The following TAFA1 variants were observed in gnomAD, a reference collection of about 807,000 sequenced individuals.
TAFA1 encodes chemokine-like protein TAFA-1.
In TAFA1, 4 loss-of-function variants were observed where a neutral mutation model predicts 18.5. That is an observed-to-expected ratio of 0.22 (90% confidence interval 0.11 to 0.49). TAFA1 has a LOEUF of 0.49. Among genes scored for constraint, TAFA1 ranks in the 20% least tolerant of loss-of-function variants. The pLI, the probability that TAFA1 is intolerant of heterozygous loss-of-function variation, is 0.98. For synonymous variants in TAFA1, 56 were observed against 55.2 expected, an observed-to-expected ratio of 1.01 and a Z score of -0.06; for missense variants, 147 against 169.0, an observed-to-expected ratio of 0.87 and a Z score of 0.72.
intron 4 of TAFA1, among the ~76,000 whole-genome samples, chr3:68,542,114 T>C (rs1167402056): frequency 1.3e-5 from 2 of 152,128 alleles, no homozygotes; most frequent in Non-Finnish European, 2.9e-5. Context: ...AGCCTTTTCT[T>C]TCAGGAGATT....
intron 2 of TAFA1, among the ~76,000 whole-genome samples, chr3:68,278,872 C>A (rs1287459208): frequency 6.6e-6 from 1 of 152,256 alleles, no homozygotes; most frequent in East Asian, 1.9e-4. Context: ...TTCTGCCTAT[C>A]CACACACCAT....
intron 2 of TAFA1, among the ~76,000 whole-genome samples, chr3:68,131,813 G>T (rs1209416677): frequency 1.3e-5 from 2 of 152,080 alleles, no homozygotes; most frequent in South Asian, 2.1e-4. Flanking sequence ...GGGGTATATT[G>T]CTTAGTTTCT....
At chr3:68,507,767 G>A (rs2072783897) in intron 3 of TAFA1, among the ~76,000 whole-genome samples, 1 of 152,050 alleles carries the variant, frequency 6.6e-6, no homozygotes, top group Admixed American at 6.6e-5. Context: ...ATGCAAAATG[G>A]CAATGAAGAT....
chr3:68,294,823 G>A (rs13079474), intron 2 of TAFA1, among the ~76,000 whole-genome samples: 60,336 of 152,022 alleles, frequency 0.4, 12,457 homozygotes, highest in African/African-American at 0.43. Flanking sequence ...GCTGCAGTGA[G>A]CCATGATCGT....
At chr3:68,013,187 C>A (rs777315516) in intron 2 of TAFA1, among the ~76,000 whole-genome samples, 2 of 151,954 alleles carry the variant, frequency 1.3e-5, no homozygotes, top group African/African-American at 4.8e-5. Flanking sequence ...ACTAAGGAAA[C>A]GAGGAATGAA....
intron 2 of TAFA1, among the ~76,000 whole-genome samples, chr3:68,137,699 G>A (rs1375118449): frequency 1.3e-5 from 2 of 152,108 alleles, no homozygotes; most frequent in African/African-American, 4.8e-5. Context: ...TGGTTGTGTT[G>A]GTCAGCTGTG....
chr3:68,474,145 T>A (rs1327286506), intron 3 of TAFA1, among the ~76,000 whole-genome samples: 1 of 151,802 alleles, frequency 6.6e-6, no homozygotes. Flanking sequence ...AGAACTGTTG[T>A]CTAACATCAT....
At chr3:68,121,135 A>T (rs566085502) in intron 2 of TAFA1, among the ~76,000 whole-genome samples, 36 of 152,038 alleles carry the variant, frequency 2.4e-4, no homozygotes, top group African/African-American at 8.4e-4. Context: ...AGTATATTTT[A>T]TTTCTCTTTG....
chr3:68,289,260 C>T (rs2068069437), intron 2 of TAFA1, among the ~76,000 whole-genome samples: 1 of 152,178 alleles, frequency 6.6e-6, no homozygotes, highest in Admixed American at 6.5e-5. Context: ...ATATAGGTTG[C>T]ACTTTCACTC....
intron 2 of TAFA1, among the ~76,000 whole-genome samples, chr3:68,413,548 T>C (rs1194862640): frequency 6.6e-6 from 1 of 152,202 alleles, no homozygotes; most frequent in African/African-American, 2.4e-5. Context: ...TCTATCTCCA[T>C]CTTTCAACTA....
Position 68,035,727 on chromosome 3 carries a change from G to A in TAFA1, c.118+28983G>A, listed in dbSNP as rs77719788. 4.0e-3 allele frequency among the ~76,000 whole-genome samples: 603 copies of A among 152,302 alleles called. 4 individuals carry two copies. Among genetic ancestry groups the A allele is most frequent in the African/African-American group, 0.014 (578 of 41,566 alleles). Reference sequence around the variant, plus strand: ...ACTTATGTTCACACAAAAAACATGTGTGAATATTGATAGAAGCGCTATTCA... The same window carrying A: ...ACTTATGTTCACACAAAAAACATGTATGAATATTGATAGAAGCGCTATTCA... On this transcript the variant is annotated intron_variant, in intron 2 of 4. Transcript: ENST00000478136.
At chr3:68,284,601 G>A (rs1263251326) in intron 2 of TAFA1, among the ~76,000 whole-genome samples, 6 of 152,130 alleles carry the variant, frequency 3.9e-5, no homozygotes, top group Non-Finnish European at 1.5e-5. Context: ...AATGAACTGT[G>A]CTATGTTCAT....
At chr3:68,530,005 A>G (rs539931626) in intron 3 of TAFA1, among the ~76,000 whole-genome samples, 1 of 152,164 alleles carries the variant, frequency 6.6e-6, no homozygotes, top group South Asian at 2.1e-4. Flanking sequence ...TTGCTCATTT[A>G]TACTTCTTTC....
chr3:68,117,233 G>T (rs1303518026), intron 2 of TAFA1, among the ~76,000 whole-genome samples: 1 of 152,046 alleles, frequency 6.6e-6, no homozygotes, highest in African/African-American at 2.4e-5. Context: ...CTGGGGTTTT[G>T]GTTATGCTAA....
At chr3:68,119,271 A>T (rs2065359678) in intron 2 of TAFA1, among the ~76,000 whole-genome samples, 1 of 152,064 alleles carries the variant, frequency 6.6e-6, no homozygotes, top group South Asian at 2.1e-4. Flanking sequence ...TATTTTATAT[A>T]TTCTGTCTAT....
chr3:68,038,711 C>T (rs372498977), intron 2 of TAFA1, among the ~76,000 whole-genome samples: 1 of 151,950 alleles, frequency 6.6e-6, no homozygotes, highest in Admixed American at 6.6e-5. Context: ...GGTCAATACT[C>T]GTCAGAAAAG....
At chr3:68,413,862 T>C (rs1236395638) in intron 2 of TAFA1, among the ~76,000 whole-genome samples, 1 of 151,968 alleles carries the variant, frequency 6.6e-6, no homozygotes, top group East Asian at 1.9e-4. Flanking sequence ...ATTTGAGCAA[T>C]GATGGAGTGA....
At chr3:68,364,446 TAAA>T (rs141468953) in intron 2 of TAFA1, among the ~76,000 whole-genome samples, 2,603 of 152,090 alleles carry the variant, frequency 0.017, 74 homozygotes, top group African/African-American at 0.059. Flanking sequence ...AAAAAGAAGT[TAAA>T]AAATGATAAA....
At chr3:68,040,527 T>C (rs908010612) in intron 2 of TAFA1, among the ~76,000 whole-genome samples, 3 of 152,154 alleles carry the variant, frequency 2.0e-5, no homozygotes, top group African/African-American at 7.2e-5. Flanking sequence ...CTAAAGAGAA[T>C]GTAATTTTTC....
Sources: gnomAD v4.1 joint callset for allele counts (sites outside exome capture counted in the v4.1 genomes callset) on GRCh38, gnomAD v4.1.1 for gene constraint, MANE v1.5 for transcripts, NCBI Gene and HGNC (gene_info 2026-07-23, HGNC 2026-07-21) for gene names.